ERGIC2: variants seen among roughly 807,000 people sequenced by gnomAD.
ERGIC2 encodes the protein ERGIC and golgi 2, also known as endoplasmic reticulum-Golgi intermediate compartment protein 2.
ERGIC2 carries 31 observed loss-of-function variants against 52.5 expected under a neutral mutation model. The observed-to-expected ratio is 0.59, with a 90% CI of 0.44 to 0.80. ERGIC2 has a LOEUF of 0.80. Among genes scored for constraint, ERGIC2 ranks in the 30% least tolerant of loss-of-function variants. ERGIC2 has a pLI of 0.00. For missense variants in ERGIC2, 395 were observed against 455.2 expected (o/e 0.87, Z 1.20); for synonymous variants, 129 against 140.6 (o/e 0.92, Z 0.58).
chr12:29,372,936 T>C (rs1223922483), intron 1 of ERGIC2: 1 of 151,622 alleles, frequency 6.6e-6, no homozygotes, highest in Non-Finnish European at 1.5e-5. Context: ...GCTGGGATTA[T>C]AGATGTGAAC....
chr12:29,371,610 T>C lies in ERGIC2; in HGVS notation c.24A>G (p.Lys8=), dbSNP rs748390302. ...CCAACTCTTTTACCAAACTTAAAGT[T>C]TTTTTCCGATTCAGTCGCCTCATCT... MRRLNRK[K]TLSLVKELDA... Residue 8 remains lysine, a synonymous_variant, in exon 2 of 14, where the codon AAA becomes AAG. Transcript: ENST00000360150. 1.9e-6 allele frequency: 3 copies of C among 1,613,376 alleles called. No individual in the cohort carries two copies. In the African/African-American group the frequency reaches 4.0e-5, roughly 22 times the overall value.
Position 29,343,246 on chromosome 12 carries a change from C to T in ERGIC2, c.862G>A (p.Val288Ile). 1 of 1,606,470 alleles carries T rather than the reference C, an allele frequency of 6.2e-7. No individual in the cohort carries two copies. The highest frequency in any genetic ancestry group is 8.5e-7 in the Non-Finnish European group (1 of 1,175,516). ...TCATATTTCATAAATATCCCAGAGA[C>T]TCCATGGCTGCCTGCAGCATGGTTA... ...IINHAAGSHG[V>I]SGIFMKYDLS... is the part of the protein sequence containing the mutation. The change falls in exon 12 of 14, where the codon GTC (valine) becomes ATC (isoleucine). Residue 288 changes from valine (V) to isoleucine (I), a missense_variant. Coordinates refer to ENST00000360150, the MANE Select transcript of ERGIC2 (RefSeq NM_016570.3).
chr12:29,369,196 T>G (rs1173446249), intron 3 of ERGIC2, among the ~76,000 whole-genome samples: 6 of 151,940 alleles, frequency 3.9e-5, no homozygotes, highest in Non-Finnish European at 2.9e-5. Context: ...GTAGACAAAC[T>G]TCTGCATATC....
At chr12:29,365,971 G>A (rs1940356704) in intron 5 of ERGIC2, among the ~76,000 whole-genome samples, 1 of 151,936 alleles carries the variant, frequency 6.6e-6, no homozygotes, top group Non-Finnish European at 1.5e-5. Flanking sequence ...TATCAAGTTT[G>A]TAGCTGTAAA....
Position 29,380,802 on chromosome 12 carries a change from G to C in ERGIC2, c.-38+313C>G, listed in dbSNP as rs541013277. Reference sequence around the variant, plus strand: ...GACTGGAGAAACCACCTGGGAACCGGGCACTGTGACAAGCAAAGGGTCAGA... The same window carrying C: ...GACTGGAGAAACCACCTGGGAACCGCGCACTGTGACAAGCAAAGGGTCAGA... On this transcript the variant is annotated intron_variant, in intron 1 of 13. Transcript: ENST00000360150. 5 of 152,496 alleles carry C rather than the reference G, an allele frequency of 3.3e-5. 1 individual carries two copies. The highest frequency in any genetic ancestry group is 1.2e-4 in the African/African-American group (5 of 41,542). 9.4% of individuals were successfully genotyped at this position (152,496 alleles called of 1,614,324 possible).
chr12:29,356,410 C>A lies in ERGIC2; in HGVS notation c.544G>T (p.Ala182Ser). ...IHGHLYVNKV[A>S]GNFHITVGKA... ...CCCACTGTTATGTGAAAATTCCCTG[C>A]TACTTTATTGACATATAGATGGCCA... The change falls in exon 8 of 14, where the codon GCA becomes TCA. Residue 182 changes from alanine (A) to serine (S), a missense_variant. By Grantham distance (99) the Ala-to-Ser change is moderately conservative. Coordinates refer to ENST00000360150, the MANE Select transcript of ERGIC2 (RefSeq NM_016570.3). 1 of 1,595,750 alleles carries A rather than the reference C, an allele frequency of 6.3e-7. No homozygotes were observed. The highest frequency in any genetic ancestry group is 8.6e-7 in the Non-Finnish European group (1 of 1,163,414).
intron 8 of ERGIC2, among the ~76,000 whole-genome samples, chr12:29,352,836 T>C (rs1940151158): frequency 7.5e-6 from 1 of 133,348 alleles, no homozygotes; most frequent in Non-Finnish European, 1.7e-5. Flanking sequence ...ACCTGTTCTT[T>C]TAGCACCTTT....
chr12:29,362,568 T>C (rs1161337214), intron 5 of ERGIC2, among the ~76,000 whole-genome samples: 1 of 151,078 alleles, frequency 6.6e-6, no homozygotes, highest in East Asian at 1.9e-4. Flanking sequence ...ATGCACTCAG[T>C]CTGGGACACA....
chr12:29,369,176 A>C (rs1940405103), intron 3 of ERGIC2, among the ~76,000 whole-genome samples: 1 of 151,988 alleles, frequency 6.6e-6, no homozygotes, highest in Non-Finnish European at 1.5e-5. Flanking sequence ...AGGAACCAGG[A>C]GTAGGCCAAG....
At chr12:29,366,011 C>CA (rs1940357251) in intron 5 of ERGIC2, among the ~76,000 whole-genome samples, 1 of 151,914 alleles carries the variant, frequency 6.6e-6, no homozygotes, top group East Asian at 1.9e-4. Context: ...CAAAACTGGC[C>CA]AAGGACTTCA....
intron 8 of ERGIC2, among the ~76,000 whole-genome samples, chr12:29,350,422 G>T (rs1182263423): frequency 6.6e-6 from 1 of 151,810 alleles, no homozygotes; most frequent in African/African-American, 2.4e-5. Context: ...CAACTGTTTT[G>T]CAGGGAGATT....
chr12:29,366,615 A>G (rs1354291031), intron 5 of ERGIC2, among the ~76,000 whole-genome samples: 1 of 151,888 alleles, frequency 6.6e-6, no homozygotes, highest in Non-Finnish European at 1.5e-5. Context: ...TAATAACAAA[A>G]ATATTAAAAA....
Position 29,337,604 on chromosome 12 carries a change from T to C in ERGIC2, c.*3552A>G, listed in dbSNP as rs1203231183. Reference sequence around the variant, plus strand: ...GGTAGTAAACAACTGGTGACCTCTCTATTTTGATTGTGTTGAAAAAGGGCT... The same window carrying C: ...GGTAGTAAACAACTGGTGACCTCTCCATTTTGATTGTGTTGAAAAAGGGCT... On this transcript the variant is annotated 3_prime_UTR_variant, in exon 14 of 14. Coordinates refer to ENST00000360150, the MANE Select transcript of ERGIC2 (RefSeq NM_016570.3). 1.3e-5 allele frequency: 2 copies of C among 152,186 alleles called. No homozygotes were observed. The highest frequency in any genetic ancestry group is 2.9e-5 in the Non-Finnish European group (2 of 68,028). The allele number at this position is 152,186 out of a possible 1,614,324, so 9.4% of individuals were successfully genotyped here.
At chr12:29,378,871 G>C (rs1940549423) in intron 1 of ERGIC2, among the ~76,000 whole-genome samples, 1 of 152,136 alleles carries the variant, frequency 6.6e-6, no homozygotes, top group Non-Finnish European at 1.5e-5. Context: ...TATTTTAAAA[G>C]ATGGGCAGCA....
At position 29,357,814 on chromosome 12, in the gene ERGIC2, T is replaced by A. The variant is rs907092506; in HGVS notation, c.375-90A>T. The stretch of plus-strand genomic sequence containing the variant: ...AAATGACAATGTTTAGCTGACTTAG[T>A]TAAATCATACATTTATTATTACAGG... On this transcript the variant is annotated intron_variant, in intron 6 of 13. Coordinates refer to ENST00000360150, the MANE Select transcript of ERGIC2 (RefSeq NM_016570.3). The A allele has an allele frequency of 6.5e-6, 5 of 768,300 alleles. No homozygotes were observed. In the African/African-American group the frequency reaches 7.0e-5, roughly 11 times the overall value. 47.6% of individuals were successfully genotyped at this position (768,300 alleles called of 1,614,324 possible).
Position 29,356,468 on chromosome 12 carries a change from A to C in ERGIC2, c.486T>G (p.Asp162Glu), listed in dbSNP as rs200612847. Residue 162 changes from aspartate to glutamate, a missense_variant, in exon 8 of 14, where the codon GAT becomes GAG. By Grantham distance (45) the Asp-to-Glu change is conservative (BLOSUM62 2). Coordinates refer to ENST00000360150, the MANE Select transcript of ERGIC2 (RefSeq NM_016570.3). ...TGCATGCATTTGGAGACTGTGATGAATCATCTTCTCTGTTAAAATAAGATA... is the reference window on the plus strand; with the variant it reads ...TGCATGCATTTGGAGACTGTGATGACTCATCTTCTCTGTTAAAATAAGATA... ...TSTALPPRED[D>E]SSQSPNACRI... 6.4e-7 allele frequency: 1 copy of C among 1,559,858 alleles called. No homozygotes were observed. The highest frequency in any genetic ancestry group is 8.8e-7 in the Non-Finnish European group (1 of 1,131,028).
rs757810984 is a variant in ERGIC2 at position 29,370,171 on chromosome 12, G to A, written c.158C>T (p.Ser53Leu). 1.9e-6 allele frequency: 3 copies of A among 1,550,438 alleles called. No homozygotes were observed. Among genetic ancestry groups the A allele is most frequent in the South Asian group, 2.6e-5 (2 of 78,056 alleles). ...CTTCATCCATGTATCTTGATATACT[G>A]AGAATTCCATTATGGTTAATAAAGC... The part of the protein sequence containing the change: ...TMALLTIMEF[S>L]VYQDTWMKYE... Residue 53 changes from serine (S) to leucine (L), a missense_variant, in exon 3 of 14, where the codon TCA (serine) becomes TTA (leucine). Coordinates refer to ENST00000360150, the MANE Select transcript of ERGIC2 (RefSeq NM_016570.3).
rs1940036264 is a variant in ERGIC2, at chr12:29,345,557, A to C, written c.728-17T>G. 7.4e-7 allele frequency: 1 copy of C among 1,357,374 alleles called. No homozygotes were observed. The highest frequency in any genetic ancestry group is 2.3e-5 in the East Asian group (1 of 43,720). 84.1% of individuals were successfully genotyped at this position (1,357,374 alleles called of 1,614,324 possible). ...TCTGGTTGTCTAGAATACAAAAAAA[A>C]CTTTTTATCAATTCAGTAGCAACAA... On this transcript the variant is annotated splice_polypyrimidine_tract_variant and intron_variant, in intron 10 of 13. Coordinates refer to ENST00000360150, the MANE Select transcript of ERGIC2 (RefSeq NM_016570.3).
chr12:29,349,409 TA>T (rs1211979389), intron 9 of ERGIC2, among the ~76,000 whole-genome samples: 1 of 151,940 alleles, frequency 6.6e-6, no homozygotes, highest in African/African-American at 2.4e-5. Flanking sequence ...ATTTAATAAT[TA>T]TATACAATTT....
Sources: allele counts gnomAD v4.1 joint callset (sites outside exome capture counted in the v4.1 genomes callset), GRCh38; gene constraint gnomAD v4.1.1; transcripts MANE v1.5; gene names NCBI Gene and HGNC (gene_info 2026-07-23, HGNC 2026-07-21).